The following SSH2 variants were observed in gnomAD, a reference collection of about 807,000 sequenced individuals.
The protein encoded by SSH2 is protein phosphatase Slingshot homolog 2.
A neutral mutation model predicts 135.2 loss-of-function variants in SSH2; 37 were observed. The observed-to-expected ratio is 0.27, with a 90% CI of 0.21 to 0.36. The LOEUF (loss-of-function observed/expected upper bound fraction) is 0.36, where lower values mean the gene tolerates loss of function less well. Among genes scored for constraint, SSH2 ranks in the 10% least tolerant of loss-of-function variants. The probability of loss-of-function intolerance (pLI) is 1.00; values close to 1 mark genes in which losing one functional copy is unlikely to be tolerated. For synonymous variants in SSH2, 628 were observed against 646.2 expected (o/e 0.97, Z 0.43); for missense variants, 1,408 against 1,765.3 (o/e 0.80, Z 3.63).
chr17:29,819,853 T>C (rs1019081488), intron 2 of SSH2, among the ~76,000 whole-genome samples: 1 of 152,228 alleles, frequency 6.6e-6, no homozygotes, highest in African/African-American at 2.4e-5. Flanking sequence ...AATATTCAGA[T>C]CTGATCCTCA....
intron 3 of SSH2, among the ~76,000 whole-genome samples, chr17:29,769,622 C>T (rs2041523559): frequency 6.6e-6 from 1 of 152,112 alleles, no homozygotes; most frequent in East Asian, 1.9e-4. Flanking sequence ...ATGATGGCAT[C>T]ACCATCATCT....
At chr17:29,848,546 C>T (rs1467364585) in intron 2 of SSH2, among the ~76,000 whole-genome samples, 1 of 151,982 alleles carries the variant, frequency 6.6e-6, no homozygotes, top group Non-Finnish European at 1.5e-5. Context: ...AAAAAAATCC[C>T]ACAAAAAGAG....
chr17:29,819,484 T>C (rs2042616525), intron 2 of SSH2, among the ~76,000 whole-genome samples: 1 of 152,158 alleles, frequency 6.6e-6, no homozygotes, highest in South Asian at 2.1e-4. Flanking sequence ...ATGGTAGTTA[T>C]AAAGTATGCT....
rs1323114557 is a variant in SSH2, at chr17:29,818,205, TA to T, written c.145-24269del. Among the ~76,000 whole-genome samples the T allele has an allele frequency of 2.0e-5, 3 of 151,992 alleles. No homozygotes were observed. The East Asian group carries it at 5.8e-4, about 29-fold the overall frequency. On this transcript the variant is annotated intron_variant, in intron 2 of 15. Transcript: ENST00000540801. ...ATTGCTATTTTTTAAATTTTCTGAA[TA>T]TTTTTAATCCATGGTTGGTTGAATC...
At chr17:29,729,973 T>C (rs191287228) in intron 3 of SSH2, among the ~76,000 whole-genome samples, 21 of 152,142 alleles carry the variant, frequency 1.4e-4, no homozygotes, top group Non-Finnish European at 4.4e-5. Context: ...TAGTATTTGA[T>C]AGCACAGCAG....
intron 1 of SSH2, chr17:29,928,597 A>G: frequency 2.5e-6 from 1 of 398,566 alleles, no homozygotes; most frequent in East Asian, 3.6e-5. Flanking sequence ...GAAACAACAC[A>G]AGATATATAA....
chr17:29,737,951 C>CT lies in SSH2; in HGVS notation c.189-34890dup, dbSNP rs1264568963. On this transcript the variant is annotated intron_variant, in intron 3 of 15. Coordinates refer to ENST00000540801, the MANE Select transcript of SSH2 (RefSeq NM_001282129.2). Reference sequence around the variant, plus strand: ...TATTTATTTATTTATTTATATTATACTTTAAGTTCTAGGGTACATGCGCAC... The same window carrying CT: ...TATTTATTTATTTATTTATATTATACTTTTAAGTTCTAGGGTACATGCGCAC... 7.8e-5 allele frequency among the ~76,000 whole-genome samples: 9 copies of CT among 116,086 alleles called. No homozygotes were observed. The South Asian group carries it at 1.9e-3, about 25-fold the overall frequency. The allele number at this position is 116,086 out of a possible 152,430, so 76.2% of individuals were successfully genotyped here. A position where few individuals can be genotyped will look rare whatever the true frequency, so the allele number is the denominator to read the frequency against.
intron 3 of SSH2, among the ~76,000 whole-genome samples, chr17:29,713,207 C>T (rs1476586061): frequency 1.3e-5 from 2 of 151,558 alleles, no homozygotes; most frequent in Admixed American, 6.6e-5. Context: ...TGGTGGCATG[C>T]GCCTGTAATT....
chr17:29,643,187 G>A (rs1598704747), intron 14 of SSH2: 1 of 985,246 alleles, frequency 1.0e-6, no homozygotes, highest in Non-Finnish European at 1.2e-6. Flanking sequence ...CAGATCTGGA[G>A]TGGTACTTTG....
chr17:29,844,580 C>T (rs958111356), intron 2 of SSH2, among the ~76,000 whole-genome samples: 2 of 152,242 alleles, frequency 1.3e-5, no homozygotes, highest in African/African-American at 4.8e-5. Context: ...TACATTCCTT[C>T]TTATCTGAAG....
At chr17:29,808,879 A>C (rs1256879270) in intron 2 of SSH2, among the ~76,000 whole-genome samples, 1 of 152,222 alleles carries the variant, frequency 6.6e-6, no homozygotes, top group Non-Finnish European at 1.5e-5. Context: ...TGAGAATTTC[A>C]TTAAACTTTT....
intron 1 of SSH2, 125 bp downstream of exon 1, chr17:29,929,813 G>T: frequency 1.2e-6 from 1 of 853,396 alleles, no homozygotes; most frequent in Non-Finnish European, 1.8e-6. Context: ...GGGGTTCGCG[G>T]CAGCCGAGTG....
chr17:29,725,665 G>A (rs922633781), intron 3 of SSH2, among the ~76,000 whole-genome samples: 1 of 152,176 alleles, frequency 6.6e-6, no homozygotes, highest in Non-Finnish European at 1.5e-5. Context: ...ACCAAACACT[G>A]CATGTTCTCA....
rs2035923800 is a variant in SSH2 at position 29,636,551 on chromosome 17, G to T, written c.1679C>A (p.Thr560Asn). The stretch of plus-strand genomic sequence containing the variant: ...CTGTCCAGCATGAAATTCCCTAGAA[G>T]TAAACTCCAAGCAGATCATTCTTTC... ...TKERMICLEFTSREFHAGQIE... is the reference protein window; with the variant it reads ...TKERMICLEFNSREFHAGQIE... The change falls in exon 15 of 16, where the codon ACT becomes AAT. Residue 560 changes from threonine to asparagine, a missense_variant. Coordinates refer to ENST00000540801, the MANE Select transcript of SSH2 (RefSeq NM_001282129.2). 6.2e-7 allele frequency: 1 copy of T among 1,614,056 alleles called. No individual in the cohort carries two copies. Among genetic ancestry groups the T allele is most frequent in the Non-Finnish European group, 8.5e-7 (1 of 1,180,028 alleles).
chr17:29,780,658 C>T (rs1271959759), intron 3 of SSH2: 1 of 151,278 alleles, frequency 6.6e-6, no homozygotes, highest in African/African-American at 2.4e-5. Context: ...CTCCTGACCT[C>T]GTGATCCACC....
chr17:29,709,519 A>G (rs553642783), intron 3 of SSH2, among the ~76,000 whole-genome samples: 1 of 152,338 alleles, frequency 6.6e-6, no homozygotes, highest in African/African-American at 2.4e-5. Flanking sequence ...TCTACTAAAA[A>G]TACAAAAATT....
intron 3 of SSH2, among the ~76,000 whole-genome samples, chr17:29,761,670 G>A (rs2041312629): frequency 6.6e-6 from 1 of 152,114 alleles, no homozygotes; most frequent in Admixed American, 6.5e-5. Context: ...TCTAAAGGAG[G>A]ATGTTTCAAC....
chr17:29,832,653 A>AT (rs1298086520), intron 2 of SSH2, among the ~76,000 whole-genome samples: 3 of 151,436 alleles, frequency 2.0e-5, no homozygotes, highest in East Asian at 3.9e-4. Context: ...CTTGATTTCA[A>AT]TTTTTTTTGG....
intron 2 of SSH2, among the ~76,000 whole-genome samples, chr17:29,814,794 G>T (rs1054909350): frequency 7.9e-5 from 12 of 151,796 alleles, no homozygotes; most frequent in Non-Finnish European, 1.8e-4. Flanking sequence ...GGAAGAAGCA[G>T]GTTTCTTCTG....
Sources: allele counts gnomAD v4.1 joint callset (sites outside exome capture counted in the v4.1 genomes callset), GRCh38; gene constraint gnomAD v4.1.1; transcripts MANE v1.5; gene names NCBI Gene and HGNC (gene_info 2026-07-23, HGNC 2026-07-21).